Variants in PPP5C observed in about 807,000 individuals in gnomAD.
PPP5C encodes serine/threonine-protein phosphatase 5.
Under a neutral mutation model 66.7 loss-of-function variants are expected in PPP5C, and 21 were observed. The ratio of observed to expected loss-of-function variants is 0.31; its 90% CI spans 0.22 to 0.45. The LOEUF (loss-of-function observed/expected upper bound fraction) is 0.45, where lower values mean the gene tolerates loss of function less well. Ranked by LOEUF, PPP5C falls within the 20% of genes least tolerant of loss-of-function variation. PPP5C has a pLI of 1.00. For missense variants in PPP5C, 464 were observed against 675.9 expected (o/e 0.69, Z 3.48); for synonymous variants, 246 against 257.4 (o/e 0.96, Z 0.43).
At chr19:46,352,816 T>G (rs1972212945) in intron 1 of PPP5C, among the ~76,000 whole-genome samples, 1 of 101,926 alleles carries the variant, frequency 9.8e-6, no homozygotes, top group African/African-American at 4.1e-5. Flanking sequence ...CGAGACTCCA[T>G]CTCAAAAAAA....
intron 2 of PPP5C, among the ~76,000 whole-genome samples, chr19:46,357,992 A>G (rs1972316692): frequency 6.6e-6 from 1 of 152,120 alleles, no homozygotes; most frequent in Non-Finnish European, 1.5e-5. Flanking sequence ...GAAACATTCC[A>G]ACCTTACAGG....
intron 1 of PPP5C, among the ~76,000 whole-genome samples, chr19:46,350,181 A>G (rs1367152656): frequency 3.3e-5 from 5 of 152,142 alleles, no homozygotes; most frequent in African/African-American, 7.2e-5. Context: ...GAGAGGCCAG[A>G]CCAGGGCTGG....
rs1488088335 is a variant in PPP5C at position 46,376,973 on chromosome 19, A to G, written c.633+399A>G. 6.6e-6 allele frequency among the ~76,000 whole-genome samples: 1 copy of G among 152,074 alleles called. No individual in the cohort carries two copies. Among genetic ancestry groups the G allele is most frequent in the African/African-American group, 2.4e-5 (1 of 41,400 alleles). ...CCTGAGACCACCCCCTCCCCGACCT[A>G]GGAGGGCAGCTGGCCACAGGGTGTT... On this transcript the variant is annotated intron_variant, in intron 4 of 12. Coordinates refer to ENST00000012443, the MANE Select transcript of PPP5C (RefSeq NM_006247.4). The surrounding 1 kb of genome is among the most constrained non-coding windows in gnomAD (Gnocchi z 5.1).
At chr19:46,349,508 A>C (rs982622438) in intron 1 of PPP5C, among the ~76,000 whole-genome samples, 2 of 152,064 alleles carry the variant, frequency 1.3e-5, no homozygotes, top group Non-Finnish European at 2.9e-5. Flanking sequence ...GAGAAGCTCG[A>C]TCCGGTGGGA....
Position 46,383,563 on chromosome 19 carries a change from TC to T in PPP5C, c.699+89del. 1 of 1,337,608 alleles carries T rather than the reference TC, an allele frequency of 7.5e-7. No individual in the cohort carries two copies. Among genetic ancestry groups the T allele is most frequent in the Non-Finnish European group, 1.0e-6 (1 of 971,006 alleles). 82.9% of individuals were successfully genotyped at this position (1,337,608 alleles called of 1,614,324 possible). ...GCCACAGAGCTCAGGAACTCACGGA[TC>T]CACCTCCCTCTCTCCCTCACACCCC... On this transcript the variant is annotated intron_variant, in intron 5 of 12. Transcript: ENST00000012443. The surrounding 1 kb of genome is among the most constrained non-coding windows in gnomAD (Gnocchi z 5.0).
intron 2 of PPP5C, among the ~76,000 whole-genome samples, chr19:46,372,105 G>A (rs896389012): frequency 2.6e-5 from 4 of 152,220 alleles, no homozygotes; most frequent in Non-Finnish European, 2.9e-5. Flanking sequence ...AGAAATGGCC[G>A]TGTATGTGCT....
In PPP5C at chr19:46,388,338, G is replaced by A; in HGVS notation, c.1136-70G>A. The A allele has an allele frequency of 6.6e-7, 1 of 1,516,248 alleles. No individual in the cohort carries two copies. Among genetic ancestry groups the A allele is most frequent in the South Asian group, 1.3e-5 (1 of 79,630 alleles). The allele number at this position is 1,516,248 out of a possible 1,614,324, so 93.9% of individuals were successfully genotyped here. On this transcript the variant is annotated intron_variant, in intron 9 of 12. Transcript: ENST00000012443. The surrounding 1 kb of genome is among the most constrained non-coding windows in gnomAD (Gnocchi z 4.9). ...TGGGGTCAGCACCTGGCCGGGCCAG[G>A]AGGTGGCCTGTGAGTGACCACCCCC...
intron 7 of PPP5C, 74 bp downstream of exon 7, chr19:46,384,983 G>C: frequency 2.6e-6 from 3 of 1,154,688 alleles, no homozygotes; most frequent in Non-Finnish European, 3.9e-6. Flanking sequence ...AAGGATAATA[G>C]TTGCAGCTGT....
chr19:46,389,320 TCA>T (rs1972951173), intron 11 of PPP5C, among the ~76,000 whole-genome samples: 18 of 146,268 alleles, frequency 1.2e-4, no homozygotes, highest in African/African-American at 4.8e-4. Context: ...AGACTCCATC[TCA>T]AAACACACGC....
chr19:46,364,022 A>G (rs1191662834), intron 2 of PPP5C, among the ~76,000 whole-genome samples: 1 of 152,170 alleles, frequency 6.6e-6, no homozygotes, highest in African/African-American at 2.4e-5. Flanking sequence ...AGACAGCGGT[A>G]CATCAAAGAA....
In PPP5C at chr19:46,375,684, T is replaced by C. The variant is rs1972680907; in HGVS notation, c.444T>C (p.Phe148=). ...ACAAGATCGTGAAGCAGAAGGCCTT[T>C]GAGCGGGCCATCGCGGGCGACGAGC... ...ECNKIVKQKA[F]ERAIAGDEHK... is the part of the protein sequence containing the mutation. The change falls in exon 3 of 13, where the codon TTT becomes TTC. Residue 148 remains phenylalanine (F), a synonymous_variant. Coordinates refer to ENST00000012443, the MANE Select transcript of PPP5C (RefSeq NM_006247.4). The C allele has an allele frequency of 1.2e-6, 2 of 1,613,620 alleles. No homozygotes were observed. The highest frequency in any genetic ancestry group is 1.7e-6 in the Non-Finnish European group (2 of 1,179,706).
At position 46,376,719 on chromosome 19, in the gene PPP5C, C is replaced by T. The variant is rs1009494418; in HGVS notation, c.633+145C>T. 1.3e-5 allele frequency: 15 copies of T among 1,157,300 alleles called. No homozygotes were observed. Among genetic ancestry groups the T allele is most frequent in the African/African-American group, 1.1e-4 (7 of 64,220 alleles). 71.7% of individuals were successfully genotyped at this position (1,157,300 alleles called of 1,614,324 possible). A position where few individuals can be genotyped will look rare whatever the true frequency, so the allele number is the denominator to read the frequency against. Reference sequence around the variant, plus strand: ...AGGAGTCGTGTGCCGGACACTGTGCCGAGGGCTTACCACATGATCTCATCT... The same window carrying T: ...AGGAGTCGTGTGCCGGACACTGTGCTGAGGGCTTACCACATGATCTCATCT... On this transcript the variant is annotated intron_variant, in intron 4 of 12. Transcript: ENST00000012443. This position sits in a 1 kb window ranked among gnomAD's most constrained non-coding sequence, Gnocchi z 5.1.
intron 4 of PPP5C, among the ~76,000 whole-genome samples, chr19:46,378,640 C>T (rs1381100510): frequency 2.0e-5 from 3 of 152,130 alleles, no homozygotes; most frequent in East Asian, 3.8e-4. Flanking sequence ...TTATTAGGCA[C>T]ACATTTAGGA....
intron 2 of PPP5C, among the ~76,000 whole-genome samples, chr19:46,367,168 C>A (rs1972505056): frequency 6.6e-6 from 1 of 152,184 alleles, no homozygotes; most frequent in African/African-American, 2.4e-5. Flanking sequence ...CCCATCCGGC[C>A]CTTGGGAATT....
intron 2 of PPP5C, among the ~76,000 whole-genome samples, chr19:46,354,844 G>C (rs551700966): frequency 1.3e-5 from 2 of 151,860 alleles, no homozygotes; most frequent in Admixed American, 1.3e-4. Flanking sequence ...CAGCAGACAG[G>C]ATATGTGTGA....
chr19:46,362,180 C>A (rs1045068897), intron 2 of PPP5C, among the ~76,000 whole-genome samples: 3 of 152,306 alleles, frequency 2.0e-5, no homozygotes, highest in Non-Finnish European at 2.9e-5. Context: ...AGAATTTTAA[C>A]TCTTAGTGAC....
In PPP5C at chr19:46,390,705, A is replaced by C. The variant is rs1002916985; in HGVS notation, c.*359A>C. The C allele has an allele frequency of 8.6e-7, 1 of 1,162,704 alleles. No individual in the cohort carries two copies. The highest frequency in any genetic ancestry group is 5.3e-5 in the East Asian group (1 of 19,026). The allele number at this position is 1,162,704 out of a possible 1,614,324, so 72.0% of individuals were successfully genotyped here. On this transcript the variant is annotated 3_prime_UTR_variant, in exon 13 of 13. Transcript: ENST00000012443. The stretch of plus-strand genomic sequence containing the variant: ...AGCAATAGGGCCCCGCCATAGGAAG[A>C]CCCCCAGAGAGAGGGTCAGCAGGGG...
chr19:46,348,693 G>A (rs562900362), intron 1 of PPP5C, among the ~76,000 whole-genome samples: 1 of 152,256 alleles, frequency 6.6e-6, no homozygotes, highest in South Asian at 2.1e-4. Context: ...GGTTGGGAAT[G>A]GATGAGATCA....
In PPP5C at chr19:46,349,697, A is replaced by T. The variant is rs548403811; in HGVS notation, c.121+2480A>T. Among the ~76,000 whole-genome samples, 113 of 151,930 alleles carry T rather than the reference A, an allele frequency of 7.4e-4. 1 individual carries two copies. The highest frequency in any genetic ancestry group is 3.4e-3 in the Middle Eastern group (1 of 294). On this transcript the variant is annotated intron_variant, in intron 1 of 12. Transcript: ENST00000012443. ...TCCCTGGCTGCCATGCAGAGACTGGACTCCAGGGTAAGACAGGAAGGAGTC... is the reference window on the plus strand; with the variant it reads ...TCCCTGGCTGCCATGCAGAGACTGGTCTCCAGGGTAAGACAGGAAGGAGTC...
Sources: allele counts gnomAD v4.1 joint callset (sites outside exome capture counted in the v4.1 genomes callset), GRCh38; gene constraint gnomAD v4.1.1; non-coding constraint Gnocchi (gnomAD v3.1); transcripts MANE v1.5; gene names NCBI Gene and HGNC (gene_info 2026-07-23, HGNC 2026-07-21).